ANKRD11: variants seen among roughly 807,000 people sequenced by gnomAD.
The protein encoded by ANKRD11 is ankyrin repeat domain-containing protein 11.
In ANKRD11, 17 loss-of-function variants were observed where a neutral mutation model predicts 195.7. The observed-to-expected ratio is 0.09, with a 90% confidence interval of 0.06 to 0.13. The LOEUF (loss-of-function observed/expected upper bound fraction) is 0.13. ANKRD11 is among the 10% of genes least tolerant of loss of function. The pLI is 1.00. For synonymous variants in ANKRD11, 1,953 were observed against 1,528.1 expected, an observed-to-expected ratio of 1.28 and a Z score of -6.49; for missense variants, 3,735 against 3,566.1, an observed-to-expected ratio of 1.05 and a Z score of -1.21.
intron 9 of ANKRD11, chr16:89,278,507 T>C: frequency 2.2e-6 from 1 of 456,084 alleles, no homozygotes; most frequent in South Asian, 1.5e-5. Context: ...GTAGGGATGA[T>C]GCCTGGGGAA....
rs114888495 is a variant in ANKRD11, at chr16:89,468,314, G to A, written c.-145+21931C>T. 3.3e-3 allele frequency among the ~76,000 whole-genome samples: 495 copies of A among 152,272 alleles called. 3 individuals are homozygous for A. Among genetic ancestry groups the A allele is most frequent in the African/African-American group, 0.011 (475 of 41,558 alleles). On this transcript the variant is annotated intron_variant, in intron 1 of 12. Transcript: ENST00000301030. ...TCACCTTCTCACCCACACCTGCAAC[G>A]TGAGTGCAGCTCCTCCAATCATGAG... is the stretch of plus-strand genomic sequence containing the variant.
intron 2 of ANKRD11, among the ~76,000 whole-genome samples, chr16:89,399,835 G>C (rs2041619352): frequency 6.6e-6 from 1 of 152,266 alleles, no homozygotes; most frequent in Middle Eastern, 3.4e-3. Flanking sequence ...CATCCTGTCA[G>C]AAAGACAAAA....
At chr16:89,470,749 G>A (rs1457474283) in intron 1 of ANKRD11, among the ~76,000 whole-genome samples, 1 of 114,832 alleles carries the variant, frequency 8.7e-6, no homozygotes, top group African/African-American at 2.8e-5. Flanking sequence ...CAGCACTTTG[G>A]TAGTACCAGG....
At chr16:89,432,134 G>A (rs1020385211) in intron 1 of ANKRD11, among the ~76,000 whole-genome samples, 4 of 151,922 alleles carry the variant, frequency 2.6e-5, no homozygotes, top group East Asian at 3.9e-4. Context: ...CAGTGCTAAG[G>A]GGAGAATTTG....
At position 89,316,966 on chromosome 16, in the gene ANKRD11, G is replaced by A. The variant is rs2036997521; in HGVS notation, c.54C>T (p.Ser18=). Residue 18 remains serine (S), a synonymous_variant, in exon 3 of 13, where the codon AGC becomes AGT. Coordinates refer to ENST00000301030, the MANE Select transcript of ANKRD11 (RefSeq NM_013275.6). The part of the protein sequence containing the change: ...KAPQQEELPL[S]SDMVEKQTGK... ...CAGTCTGCTTCTCCACCATGTCGCT[G>A]CTGAGGGGAAGCTCTTCCTGCTGTG... 9 of 1,613,760 alleles carry A rather than the reference G, an allele frequency of 5.6e-6. No individual in the cohort carries two copies. Among genetic ancestry groups the A allele is most frequent in the Non-Finnish European group, 7.6e-6 (9 of 1,179,926 alleles).
At chr16:89,385,167 T>C (rs3102342) in intron 2 of ANKRD11, among the ~76,000 whole-genome samples, 92,341 of 150,212 alleles carry the variant, frequency 0.61, 28,859 homozygotes, top group African/African-American at 0.74. Flanking sequence ...TGAGCCACTG[T>C]ACCCGGCCTT....
At chr16:89,306,995 C>T (rs1039145434) in intron 3 of ANKRD11, among the ~76,000 whole-genome samples, 4 of 151,748 alleles carry the variant, frequency 2.6e-5, no homozygotes, top group African/African-American at 9.7e-5. Flanking sequence ...GCGACACACA[C>T]AGCGCTCGGG....
intron 9 of ANKRD11, among the ~76,000 whole-genome samples, chr16:89,276,397 G>GAC (rs144774327): frequency 0.014 from 2,083 of 152,134 alleles, 44 homozygotes; most frequent in African/African-American, 0.046. Flanking sequence ...TCTCTTCCAA[G>GAC]ACACACACAC....
At chr16:89,329,344 G>A (rs1397057894) in intron 2 of ANKRD11, among the ~76,000 whole-genome samples, 1 of 152,156 alleles carries the variant, frequency 6.6e-6, no homozygotes, top group Non-Finnish European at 1.5e-5. Flanking sequence ...GGGCACAAGG[G>A]ATGCTGCTAT....
intron 2 of ANKRD11, among the ~76,000 whole-genome samples, chr16:89,409,946 T>A (rs2042050431): frequency 6.6e-6 from 1 of 152,044 alleles, no homozygotes; most frequent in South Asian, 2.1e-4. Flanking sequence ...TTCACGCCAT[T>A]CTCCTGCCTC....
chr16:89,437,579 C>A (rs2043268651), intron 1 of ANKRD11, among the ~76,000 whole-genome samples: 1 of 152,186 alleles, frequency 6.6e-6, no homozygotes, highest in South Asian at 2.1e-4. Context: ...CTCTCTCCAA[C>A]CTGACATCTC....
intron 2 of ANKRD11, among the ~76,000 whole-genome samples, chr16:89,323,544 G>GAGGGCAGGGGGGCTGAGCCA: frequency 4.1e-5 from 1 of 24,420 alleles, no homozygotes; most frequent in African/African-American, 1.4e-4. Flanking sequence ...GGGCTGAGCC[G>GAGGGCAGGGGGGCTGAGCCA]AGGGCAGGGG....
At chr16:89,381,284 A>G (rs2040634577) in intron 2 of ANKRD11, among the ~76,000 whole-genome samples, 1 of 149,364 alleles carries the variant, frequency 6.7e-6, no homozygotes, top group African/African-American at 2.5e-5. Context: ...GTGAGGCGAC[A>G]ATGCGCCACT....
chr16:89,268,585 G>T lies in ANKRD11; in HGVS notation c.7885C>A (p.Gln2629Lys). The change falls in exon 13 of 13, where the codon CAG becomes AAG. Residue 2629 changes from glutamine (Q) to lysine (K), a missense_variant. Physicochemically the swap from Gln to Lys is moderately conservative, Grantham distance 53. Coordinates refer to ENST00000301030, the MANE Select transcript of ANKRD11 (RefSeq NM_013275.6). ...TTGTGCCCGGCGGGGTCCAGTTCCT[G>T]CACCTTCAGCTGCCACTCCATCCTC... The part of the protein sequence containing the change: ...VQRMEWQLKV[Q>K]ELDPAGHKSL... 2.6e-6 allele frequency: 4 copies of T among 1,547,050 alleles called. No individual in the cohort carries two copies. Among genetic ancestry groups the T allele is most frequent in the Non-Finnish European group, 2.6e-6 (3 of 1,143,982 alleles).
Position 89,281,907 on chromosome 16 carries a change from T to A in ANKRD11, c.4635A>T (p.Pro1545=). The A allele has an allele frequency of 1.2e-6, 2 of 1,613,628 alleles. No individual in the cohort carries two copies. The highest frequency in any genetic ancestry group is 1.7e-6 in the Non-Finnish European group (2 of 1,180,040). The change falls in exon 9 of 13, where the codon CCA becomes CCT. Residue 1545 remains proline, a synonymous_variant. Transcript: ENST00000301030. The surrounding 1 kb of genome is among the most constrained non-coding windows in gnomAD (Gnocchi z 5.5). ...TATCATTCCCGTTGCTCATCTTCAC[T>A]GGGTCGCCCTTTTCTTTCTCTGCAC... ...KDGAEKEKGD[P]VKMSNGNDKV... is the part of the protein sequence containing the mutation.
At chr16:89,439,756 A>G (rs866652403) in intron 1 of ANKRD11, among the ~76,000 whole-genome samples, 2 of 152,184 alleles carry the variant, frequency 1.3e-5, no homozygotes, top group Middle Eastern at 3.4e-3. Flanking sequence ...GACACACAAC[A>G]CCAAAGGTGT....
At chr16:89,477,193 C>CT (rs1567859358) in intron 1 of ANKRD11, among the ~76,000 whole-genome samples, 2 of 149,476 alleles carry the variant, frequency 1.3e-5, no homozygotes, top group African/African-American at 4.9e-5. Flanking sequence ...AGTCATTTCC[C>CT]CTTTTTTTTT....
intron 1 of ANKRD11, among the ~76,000 whole-genome samples, chr16:89,431,820 G>A (rs560115457): frequency 2.6e-5 from 4 of 152,080 alleles, no homozygotes; most frequent in African/African-American, 4.8e-5. Context: ...CACCTTACTC[G>A]GCTCTCCTCA....
In ANKRD11 at chr16:89,332,298, C is replaced by A. The variant is rs2038107080; in HGVS notation, c.-59-15220G>T. On this transcript the variant is annotated intron_variant, in intron 2 of 12. Coordinates refer to ENST00000301030, the MANE Select transcript of ANKRD11 (RefSeq NM_013275.6). ...TAAAAACCCAACTCATGAGAAACAC[C>A]TGGTGAACGCTCTTCAGCTCCGTGA... Among the ~76,000 whole-genome samples the A allele has an allele frequency of 2.0e-5, 3 of 152,308 alleles. No homozygotes were observed. The South Asian group carries it at 6.2e-4, about 32-fold the overall frequency.
Sources: gnomAD v4.1 joint callset for allele counts (sites outside exome capture counted in the v4.1 genomes callset) on GRCh38, gnomAD v4.1.1 for gene constraint, Gnocchi (gnomAD v3.1) non-coding constraint, MANE v1.5 for transcripts, NCBI Gene and HGNC (gene_info 2026-07-23, HGNC 2026-07-21) for gene names.